Variants in CCDC149 observed in about 807,000 individuals in gnomAD.
CCDC149 encodes coiled-coil domain containing 149.
A neutral mutation model predicts 59.9 loss-of-function variants in CCDC149; 45 were observed. That is an observed-to-expected ratio of 0.75 (90% CI 0.59 to 0.96). The LOEUF is 0.96. Among genes scored for constraint, CCDC149 ranks in the 40% least tolerant of loss-of-function variants. The pLI is 0.00. For missense variants in CCDC149, 584 were observed against 664.7 expected (o/e 0.88, Z 1.33); for synonymous variants, 245 against 260.6 (o/e 0.94, Z 0.58).
chr4:24,915,676 T>C (rs1024054760), upstream of CCDC149, among the ~76,000 whole-genome samples: 4 of 152,320 alleles, frequency 2.6e-5, no homozygotes, highest in Non-Finnish European at 4.4e-5. Flanking sequence ...GGGGAGACTT[T>C]CAACTCGGTT....
chr4:24,876,546 C>T lies in CCDC149; in HGVS notation c.215G>A (p.Arg72Gln), dbSNP rs367885828. 1.5e-5 allele frequency: 24 copies of T among 1,613,844 alleles called. No individual in the cohort carries two copies. The Admixed American group carries it at 3.0e-4, about 20-fold the overall frequency. ...CAGCCTAACACTTACAATCAGCTCTCGGTACTTCTTCTTCAGTGACTGGTG... is the reference window on the plus strand; with the variant it reads ...CAGCCTAACACTTACAATCAGCTCTTGGTACTTCTTCTTCAGTGACTGGTG... The change falls in exon 2 of 13, where the codon CGA becomes CAA. Residue 72 changes from arginine to glutamine, a missense_variant. By Grantham distance (43) the Arg-to-Gln change is conservative. Transcript: ENST00000635206.
At chr4:24,836,759 G>T (rs1716557945) in intron 6 of CCDC149, among the ~76,000 whole-genome samples, 1 of 151,976 alleles carries the variant, frequency 6.6e-6, no homozygotes, top group South Asian at 2.1e-4. Context: ...ATTCCCTAAG[G>T]GATATCAACA....
intron 1 of CCDC149, among the ~76,000 whole-genome samples, chr4:24,943,602 A>G (rs1306939921): frequency 5.9e-5 from 9 of 152,230 alleles, no homozygotes; most frequent in Non-Finnish European, 1.3e-4. Flanking sequence ...TGCACAGCAA[A>G]AGAAACCACC....
At chr4:24,975,556 G>GC (rs1303905044) in intron 1 of CCDC149, among the ~76,000 whole-genome samples, 5 of 136,620 alleles carry the variant, frequency 3.7e-5, no homozygotes, top group African/African-American at 1.3e-4. Flanking sequence ...AAGATGAAAG[G>GC]AGAGGAGAGG....
chr4:24,924,525 C>T (rs1390061237), intron 1 of CCDC149, among the ~76,000 whole-genome samples: 1 of 152,156 alleles, frequency 6.6e-6, no homozygotes, highest in Non-Finnish European at 1.5e-5. Flanking sequence ...TATCTGAAGG[C>T]TCATTCTTTT....
rs148499641 is a variant in CCDC149, at chr4:24,939,913, G to C, written c.-65+40156C>G. Reference sequence around the variant, plus strand: ...GACTATGTGAAAAGACCAAATCTACGTCTCATTGGCGTACCTGAAAGTGAC... The same window carrying C: ...GACTATGTGAAAAGACCAAATCTACCTCTCATTGGCGTACCTGAAAGTGAC... On this transcript the variant is annotated intron_variant, in intron 1 of 12. Transcript: ENST00000389609. Among the ~76,000 whole-genome samples the C allele has an allele frequency of 3.4e-3, 525 of 152,288 alleles. 2 individuals are homozygous for C. Among genetic ancestry groups the C allele is most frequent in the African/African-American group, 0.012 (509 of 41,552 alleles).
intron 3 of CCDC149, among the ~76,000 whole-genome samples, chr4:24,855,608 A>G (rs1203593309): frequency 1.5e-5 from 2 of 129,986 alleles, no homozygotes; most frequent in Non-Finnish European, 3.2e-5. Flanking sequence ...GAAAAAAAAG[A>G]AAAACATTCA....
At chr4:24,825,790 C>G (rs377156483) in intron 9 of CCDC149, among the ~76,000 whole-genome samples, 93 of 151,410 alleles carry the variant, frequency 6.1e-4, no homozygotes, top group African/African-American at 2.1e-3. Context: ...AAAAAACACA[C>G]ACATGCTTAT....
intron 7 of CCDC149, 97 bp from the exon 8 acceptor site, chr4:24,835,129 C>A: frequency 1.4e-6 from 1 of 737,768 alleles, no homozygotes; most frequent in Admixed American, 2.1e-5. Flanking sequence ...ACAAGAACCC[C>A]TTGCAAACTC....
chr4:24,967,070 G>A (rs57717086), intron 1 of CCDC149, among the ~76,000 whole-genome samples: 4,098 of 152,178 alleles, frequency 0.027, 126 homozygotes, highest in African/African-American at 0.074. Context: ...CCCTGACATC[G>A]GCTGTTTGGC....
chr4:24,810,471 T>C (rs1714529470), intron 12 of CCDC149, among the ~76,000 whole-genome samples: 1 of 152,144 alleles, frequency 6.6e-6, no homozygotes, highest in Non-Finnish European at 1.5e-5. Context: ...GGACCCCCTT[T>C]CCAGTCCCTT....
intron 1 of CCDC149, among the ~76,000 whole-genome samples, chr4:24,958,929 G>C (rs1459974011): frequency 6.6e-6 from 1 of 152,022 alleles, no homozygotes; most frequent in Non-Finnish European, 1.5e-5. Flanking sequence ...TGAGGCTGAG[G>C]CGCTGAGGCA....
intron 4 of CCDC149, among the ~76,000 whole-genome samples, chr4:24,844,375 T>C (rs990473356): frequency 1.2e-4 from 19 of 152,136 alleles, no homozygotes; most frequent in African/African-American, 4.6e-4. Flanking sequence ...CTCTTTACAG[T>C]AGCGAGAACC....
chr4:24,908,384 C>T (rs979327104), intron 1 of CCDC149, among the ~76,000 whole-genome samples: 1 of 152,122 alleles, frequency 6.6e-6, no homozygotes, highest in Non-Finnish European at 1.5e-5. Flanking sequence ...TCTATACCTA[C>T]TCAACCTCTC....
chr4:24,861,770 C>G (rs938122479), intron 3 of CCDC149, among the ~76,000 whole-genome samples: 1 of 152,170 alleles, frequency 6.6e-6, no homozygotes, highest in Admixed American at 6.5e-5. Context: ...TCTGACAGCC[C>G]TAAATCTTTC....
chr4:24,956,802 G>T (rs1723479988), intron 1 of CCDC149, among the ~76,000 whole-genome samples: 1 of 152,190 alleles, frequency 6.6e-6, no homozygotes, highest in African/African-American at 2.4e-5. Context: ...AAACTTGGCG[G>T]GTCTCTTTGG....
intron 1 of CCDC149, among the ~76,000 whole-genome samples, chr4:24,883,188 C>G (rs2080065310): frequency 1.6e-5 from 2 of 126,998 alleles, no homozygotes; most frequent in South Asian, 5.2e-4. Flanking sequence ...TTAGTTGCAA[C>G]CCTTGTTTTC....
intron 1 of CCDC149, among the ~76,000 whole-genome samples, chr4:24,901,689 G>A (rs1398792179): frequency 6.6e-6 from 1 of 152,096 alleles, no homozygotes; most frequent in Non-Finnish European, 1.5e-5. Flanking sequence ...AAGAGCTCAA[G>A]TACTCCCAGG....
intron 2 of CCDC149, among the ~76,000 whole-genome samples, chr4:24,874,696 T>C (rs568426501): frequency 6.6e-6 from 1 of 152,358 alleles, no homozygotes; most frequent in African/African-American, 2.4e-5. Flanking sequence ...TAATATCTGA[T>C]GCTGTCCACA....
Sources: gnomAD v4.1 joint callset for allele counts (sites outside exome capture counted in the v4.1 genomes callset) on GRCh38, gnomAD v4.1.1 for gene constraint, MANE v1.5 for transcripts, NCBI Gene and HGNC (gene_info 2026-07-23, HGNC 2026-07-21) for gene names.